The following CDC14B variants were observed in gnomAD, a reference collection of about 807,000 sequenced individuals.
The protein encoded by CDC14B is dual specificity protein phosphatase CDC14B.
A neutral mutation model predicts 64.2 loss-of-function variants in CDC14B; 22 were observed. The ratio of observed to expected loss-of-function variants is 0.34; its 90% confidence interval spans 0.24 to 0.49. The LOEUF (loss-of-function observed/expected upper bound fraction) is 0.49, where lower values mean the gene tolerates loss of function less well. Among genes scored for constraint, CDC14B ranks in the 20% least tolerant of loss-of-function variants. The probability of loss-of-function intolerance (pLI) is 0.99; values close to 1 mark genes in which losing one functional copy is unlikely to be tolerated. For synonymous variants in CDC14B, 191 were observed against 215.8 expected (o/e 0.89, Z 1.01); for missense variants, 498 against 629.9 (o/e 0.79, Z 2.24).
intron 9 of CDC14B, among the ~76,000 whole-genome samples, chr9:96,526,265 G>T (rs1057421261): frequency 4.6e-5 from 7 of 152,220 alleles, no homozygotes; most frequent in Non-Finnish European, 1.0e-4. Context: ...CTACTCGGGA[G>T]GCTGAGGCAG....
intron 1 of CDC14B, among the ~76,000 whole-genome samples, chr9:96,607,742 T>TA (rs1847065043): frequency 6.6e-6 from 1 of 152,156 alleles, no homozygotes; most frequent in Non-Finnish European, 1.5e-5. Flanking sequence ...TCTTCATTCT[T>TA]GTTAGTGGCA....
At chr9:96,571,027 A>T (rs546568473) in intron 1 of CDC14B, among the ~76,000 whole-genome samples, 1 of 152,248 alleles carries the variant, frequency 6.6e-6, no homozygotes. Flanking sequence ...TGATTATTTC[A>T]ATTCAGTAAC....
At chr9:96,603,358 A>C (rs981458334) in intron 1 of CDC14B, among the ~76,000 whole-genome samples, 4 of 152,210 alleles carry the variant, frequency 2.6e-5, no homozygotes, top group African/African-American at 9.6e-5. Flanking sequence ...AAACAAAATA[A>C]AATGAAAAAC....
chr9:96,539,264 C>T (rs772117563), intron 6 of CDC14B, 124 bp from the exon 7 acceptor site: 42 of 656,108 alleles, frequency 6.4e-5, no homozygotes, highest in Non-Finnish European at 9.3e-5. Context: ...AGATTACTTT[C>T]CACTGAACAG....
Position 96,509,658 on chromosome 9 carries a change from G to C in CDC14B, c.1460+15C>G. 2.7e-6 allele frequency: 4 copies of C among 1,470,368 alleles called. No homozygotes were observed. The highest frequency in any genetic ancestry group is 3.8e-6 in the Non-Finnish European group (4 of 1,049,460). The allele number at this position is 1,470,368 out of a possible 1,614,324, so 91.1% of individuals were successfully genotyped here. A position where few individuals can be genotyped will look rare whatever the true frequency, so the allele number is the denominator to read the frequency against. On this transcript the variant is annotated intron_variant, in intron 13 of 13. Coordinates refer to ENST00000375241, the MANE Select transcript of CDC14B (RefSeq NM_033331.4). The stretch of plus-strand genomic sequence containing the variant: ...ACGCTTGCAACTTTTCAGAAGAGTA[G>C]GATTCTTTTCTCACCTTTTAACACT...
At chr9:96,580,333 G>A (rs1450174914) in intron 1 of CDC14B, among the ~76,000 whole-genome samples, 3 of 151,712 alleles carry the variant, frequency 2.0e-5, no homozygotes, top group African/African-American at 7.3e-5. Context: ...CCAGGTTCAA[G>A]CGATTCTCCT....
At chr9:96,557,108 G>A (rs7023705) in intron 4 of CDC14B, among the ~76,000 whole-genome samples, 7,942 of 152,258 alleles carry the variant, frequency 0.052, 700 homozygotes, top group African/African-American at 0.18. Flanking sequence ...CAAGCACCAC[G>A]GGCAGTGGAA....
At chr9:96,524,869 G>T (rs1295495202) in intron 9 of CDC14B, among the ~76,000 whole-genome samples, 1 of 152,094 alleles carries the variant, frequency 6.6e-6, no homozygotes, top group African/African-American at 2.4e-5. Context: ...AAATCCTACT[G>T]CTTGTTTTTC....
At position 96,619,388 on chromosome 9, in the gene CDC14B, C is replaced by G. The variant is rs1412387255; in HGVS notation, c.-10G>C. 8.4e-7 allele frequency: 1 copy of G among 1,189,478 alleles called. No individual in the cohort carries two copies. The highest frequency in any genetic ancestry group is 1.6e-5 in the African/African-American group (1 of 62,436). The allele number at this position is 1,189,478 out of a possible 1,614,324, so 73.7% of individuals were successfully genotyped here. On this transcript the variant is annotated 5_prime_UTR_variant, in exon 1 of 14. Transcript: ENST00000375241. Reference sequence around the variant, plus strand: ...CGCTTTTCCGCTTCATGGAGGCGGCCGCGGCCCGTCAGGGGGCCACGACCA... The same window carrying G: ...CGCTTTTCCGCTTCATGGAGGCGGCGGCGGCCCGTCAGGGGGCCACGACCA...
Position 96,551,111 on chromosome 9 carries a change from C to CT in CDC14B, c.497+684dup, listed in dbSNP as rs202193145. Among the ~76,000 whole-genome samples the CT allele has an allele frequency of 9.6e-3, 895 of 93,276 alleles. 60 individuals are homozygous for CT. The highest frequency in any genetic ancestry group is 0.016 in the South Asian group (29 of 1,760). The allele number at this position is 93,276 out of a possible 152,430, so 61.2% of individuals were successfully genotyped here. A position where few individuals can be genotyped will look rare whatever the true frequency, so the allele number is the denominator to read the frequency against. ...TACAAAGCCTAGGTTTTGGGGTTTGCTTTTTTTTTTTTTTTTTTTGAGACA... is the reference window on the plus strand; with the variant it reads ...TACAAAGCCTAGGTTTTGGGGTTTGCTTTTTTTTTTTTTTTTTTTTGAGACA... On this transcript the variant is annotated intron_variant, in intron 5 of 13. Coordinates refer to ENST00000375241, the MANE Select transcript of CDC14B (RefSeq NM_033331.4).
intron 5 of CDC14B, among the ~76,000 whole-genome samples, chr9:96,551,141 A>C (rs192791899): frequency 7.3e-3 from 495 of 67,714 alleles, no homozygotes; most frequent in South Asian, 0.023. Flanking sequence ...GAGACAAGTT[A>C]TCTCTCTATT....
chr9:96,499,162 G>A (rs1029608901), downstream of CDC14B, among the ~76,000 whole-genome samples: 2 of 152,232 alleles, frequency 1.3e-5, no homozygotes, highest in African/African-American at 4.8e-5. Context: ...CACAGAGCCA[G>A]GGTCTGCAAA....
intron 1 of CDC14B, among the ~76,000 whole-genome samples, chr9:96,582,834 T>TAGAGTA (rs1845234248): frequency 6.6e-6 from 1 of 152,208 alleles, no homozygotes; most frequent in Non-Finnish European, 1.5e-5. Context: ...ATTAAATTGA[T>TAGAGTA]CAGGATAGAG....
chr9:96,498,519 G>A (rs776381322), downstream of CDC14B, among the ~76,000 whole-genome samples: 8 of 152,182 alleles, frequency 5.3e-5, no homozygotes, highest in Non-Finnish European at 1.2e-4. Context: ...TAGCTTCAGC[G>A]TGTGGGTCCC....
intron 7 of CDC14B, among the ~76,000 whole-genome samples, chr9:96,536,942 A>G (rs1464999821): frequency 6.6e-6 from 1 of 152,154 alleles, no homozygotes. Flanking sequence ...AACATAGAAC[A>G]CACCTGTGGT....
At chr9:96,510,243 C>A (rs985990306) in intron 12 of CDC14B, among the ~76,000 whole-genome samples, 2 of 152,170 alleles carry the variant, frequency 1.3e-5, no homozygotes, top group African/African-American at 4.8e-5. Flanking sequence ...TAATAATCCA[C>A]TAAATCAATA....
chr9:96,517,656 A>AG (rs1337521881), intron 12 of CDC14B, among the ~76,000 whole-genome samples: 1 of 145,792 alleles, frequency 6.9e-6, no homozygotes, highest in East Asian at 2.0e-4. Flanking sequence ...AAAAAAAAAA[A>AG]AAAAAAAAGA....
chr9:96,600,108 A>G (rs1404409493), intron 1 of CDC14B, among the ~76,000 whole-genome samples: 3 of 151,936 alleles, frequency 2.0e-5, no homozygotes, highest in African/African-American at 7.2e-5. Flanking sequence ...TTTTTAAAGA[A>G]TCTTGGCTGA....
chr9:96,530,286 TTCTC>T (rs1350246712), intron 9 of CDC14B, among the ~76,000 whole-genome samples: 57 of 149,662 alleles, frequency 3.8e-4, no homozygotes, highest in Admixed American at 2.7e-3. Context: ...ATCTTGAGGG[TTCTC>T]TCTCTGTTTT....
Sources: gnomAD v4.1 joint callset for allele counts (sites outside exome capture counted in the v4.1 genomes callset) on GRCh38, gnomAD v4.1.1 for gene constraint, MANE v1.5 for transcripts, NCBI Gene and HGNC (gene_info 2026-07-23, HGNC 2026-07-21) for gene names.